Variants in PRELID2 observed in about 807,000 individuals in gnomAD.
PRELID2 encodes PRELI domain containing 2.
Under a neutral mutation model 28.4 loss-of-function variants are expected in PRELID2, and 25 were observed. The observed-to-expected ratio is 0.88, with a 90% CI of 0.64 to 1.23. The LOEUF (loss-of-function observed/expected upper bound fraction) is 1.23. Among genes scored for constraint, PRELID2 ranks in the 50% most tolerant of loss-of-function variants. The probability of loss-of-function intolerance (pLI) is 0.00; values close to 1 mark genes in which losing one functional copy is unlikely to be tolerated. For missense variants in PRELID2, 201 were observed against 214.4 expected, an observed-to-expected ratio of 0.94 and a Z score of 0.39; for synonymous variants, 76 against 71.6, an observed-to-expected ratio of 1.06 and a Z score of -0.31.
chr5:145,370,089 T>G, the PRELID2 span, among the ~76,000 whole-genome samples: 409 of 152,262 alleles, frequency 2.7e-3, 1 homozygote, highest in African/African-American at 9.2e-3. Context: ...AGTCTGATGC[T>G]GGTTTCTTTT....
At chr5:145,564,095 G>C (rs989518904) in intron 1 of PRELID2, among the ~76,000 whole-genome samples, 2 of 152,110 alleles carry the variant, frequency 1.3e-5, no homozygotes, top group African/African-American at 4.8e-5. Flanking sequence ...TTTTGAAAAA[G>C]ACTCATTCTG....
chr5:145,820,418 C>T (rs1416159168), intron 2 of PRELID2, among the ~76,000 whole-genome samples: 1 of 151,984 alleles, frequency 6.6e-6, no homozygotes, highest in Non-Finnish European at 1.5e-5. Flanking sequence ...GAATCACAAC[C>T]GTTCGCTGCT....
At chr5:145,620,776 T>C (rs1050604055) in intron 1 of PRELID2, among the ~76,000 whole-genome samples, 1 of 151,714 alleles carries the variant, frequency 6.6e-6, no homozygotes, top group Admixed American at 6.6e-5. Context: ...AAGTCGAGGC[T>C]ACAGTGAGCC....
chr5:145,701,970 A>G (rs1333996353), intron 1 of PRELID2, among the ~76,000 whole-genome samples: 4 of 152,046 alleles, frequency 2.6e-5, no homozygotes, highest in Non-Finnish European at 5.9e-5. Flanking sequence ...AGAAATGCTT[A>G]AACCTGGGAG....
the PRELID2 span, among the ~76,000 whole-genome samples, chr5:145,286,710 TTGTTTGTTTGTTTG>T: frequency 3.1e-5 from 3 of 96,298 alleles, no homozygotes; most frequent in African/African-American, 1.5e-4. Context: ...TTGTTTTTTT[TTGTTTGTTTGTTTG>T]TTTTTTTTTT....
chr5:145,587,087 T>C (rs1421746193), intron 1 of PRELID2, among the ~76,000 whole-genome samples: 7 of 152,156 alleles, frequency 4.6e-5, no homozygotes, highest in Non-Finnish European at 5.9e-5. Flanking sequence ...TGCTGAATTA[T>C]TACCCACAAC....
intron 4 of PRELID2, among the ~76,000 whole-genome samples, chr5:145,808,364 A>G (rs1334609317): frequency 6.6e-6 from 1 of 152,116 alleles, no homozygotes; most frequent in Admixed American, 6.5e-5. Context: ...AAAACCAAAA[A>G]GACTCTAGAG....
the PRELID2 span, among the ~76,000 whole-genome samples, chr5:145,417,659 C>T: frequency 1.3e-5 from 2 of 152,102 alleles, no homozygotes; most frequent in African/African-American, 2.4e-5. Context: ...ATGATTATAT[C>T]AATAGATGCA....
Position 145,658,119 on chromosome 5 carries a change from G to A in PRELID2, n.70+106812C>T, listed in dbSNP as rs144051584. 3.4e-3 allele frequency among the ~76,000 whole-genome samples: 511 copies of A among 152,230 alleles called. 3 individuals carry two copies. The highest frequency in any genetic ancestry group is 0.012 in the African/African-American group (490 of 41,532). On this transcript the variant is annotated intron_variant and non_coding_transcript_variant, in intron 1 of 2. Coordinates refer to the PRELID2 transcript ENST00000510259. ...GGCTACAATAGTGAACAAGACATGT[G>A]TCTGCAAAAAAGATAAGCCAATGGC...
intron 1 of PRELID2, among the ~76,000 whole-genome samples, chr5:145,713,321 C>T (rs1318395691): frequency 7.3e-6 from 1 of 136,252 alleles, no homozygotes; most frequent in Non-Finnish European, 1.6e-5. Flanking sequence ...ACATTGCATA[C>T]AAGAGAACTC....
At chr5:145,313,256 A>T in the PRELID2 span, among the ~76,000 whole-genome samples, 32 of 152,352 alleles carry the variant, frequency 2.1e-4, no homozygotes, top group African/African-American at 7.2e-4. Flanking sequence ...TTAAAAAAAT[A>T]AGAAAATGTT....
At chr5:145,584,492 C>T (rs1359064135) in intron 1 of PRELID2, among the ~76,000 whole-genome samples, 1 of 152,084 alleles carries the variant, frequency 6.6e-6, no homozygotes, top group African/African-American at 2.4e-5. Context: ...TCAGAGTGAA[C>T]AGACAACCTA....
At chr5:145,245,054 T>C in the PRELID2 span, among the ~76,000 whole-genome samples, 1 of 152,142 alleles carries the variant, frequency 6.6e-6, no homozygotes, top group African/African-American at 2.4e-5. Flanking sequence ...TGATACTTCA[T>C]TGACGTCACT....
At chr5:145,827,846 T>C (rs772465293) in intron 1 of PRELID2, among the ~76,000 whole-genome samples, 1 of 152,112 alleles carries the variant, frequency 6.6e-6, no homozygotes, top group Non-Finnish European at 1.5e-5. Context: ...GGGTCCTGAA[T>C]TGGATGCTAG....
the PRELID2 span, among the ~76,000 whole-genome samples, chr5:145,401,921 G>T: frequency 6.6e-6 from 1 of 152,092 alleles, no homozygotes; most frequent in Admixed American, 6.6e-5. Context: ...ACTACTATCA[G>T]TTGTATGATC....
intron 1 of PRELID2, among the ~76,000 whole-genome samples, chr5:145,745,220 C>T (rs796664018): frequency 6.6e-6 from 1 of 152,058 alleles, no homozygotes; most frequent in African/African-American, 2.4e-5. Context: ...CATAAAAAGA[C>T]CAAACCTATG....
chr5:145,707,840 G>T (rs1755588127), intron 1 of PRELID2, among the ~76,000 whole-genome samples: 1 of 152,064 alleles, frequency 6.6e-6, no homozygotes, highest in Non-Finnish European at 1.5e-5. Flanking sequence ...AAACCACAAG[G>T]AGAGCATGCA....
intron 1 of PRELID2, among the ~76,000 whole-genome samples, chr5:145,700,398 C>A (rs1205591352): frequency 6.6e-6 from 1 of 151,988 alleles, no homozygotes; most frequent in Non-Finnish European, 1.5e-5. Flanking sequence ...CCCCACCACT[C>A]TCAACATGGA....
intron 1 of PRELID2, among the ~76,000 whole-genome samples, chr5:145,625,130 T>G (rs1001590069): frequency 3.9e-5 from 6 of 152,296 alleles, no homozygotes; most frequent in African/African-American, 1.4e-4. Flanking sequence ...TAGTATAAAC[T>G]GGTACAACTA....
Sources: allele counts gnomAD v4.1 joint callset (sites outside exome capture counted in the v4.1 genomes callset), GRCh38; gene constraint gnomAD v4.1.1; transcripts MANE v1.5; gene names NCBI Gene and HGNC (gene_info 2026-07-23, HGNC 2026-07-21).